Variants in MAF observed in about 807,000 individuals in gnomAD.
MAF encodes the protein transcription factor Maf.
Under a neutral mutation model 22.0 loss-of-function variants are expected in MAF, and 10 were observed. The ratio of observed to expected loss-of-function variants is 0.45; its 90% confidence interval spans 0.28 to 0.77. The LOEUF is 0.77. MAF is among the 30% of genes least tolerant of loss of function. MAF has a pLI of 0.12. For missense variants in MAF, 544 were observed against 548.4 expected (o/e 0.99, Z 0.08); for synonymous variants, 337 against 255.8 (o/e 1.32, Z -3.03).
At chr16:79,340,193 T>A in the MAF span, among the ~76,000 whole-genome samples, 2 of 152,124 alleles carry the variant, frequency 1.3e-5, no homozygotes, top group East Asian at 2.0e-4. Context: ...CCTCCTTCCC[T>A]GTCTTTGGTC....
At chr16:79,350,605 C>T in the MAF span, among the ~76,000 whole-genome samples, 2 of 152,148 alleles carry the variant, frequency 1.3e-5, no homozygotes, top group South Asian at 2.1e-4. Flanking sequence ...AAAAACCTCC[C>T]GCTGCTTTTC....
chr16:79,268,245 T>C, the MAF span, among the ~76,000 whole-genome samples: 1 of 152,106 alleles, frequency 6.6e-6, no homozygotes, highest in Non-Finnish European at 1.5e-5. Flanking sequence ...GAATTGTGCG[T>C]AACTGTACCC....
the MAF span, chr16:79,204,877 AGAG>A: frequency 6.6e-6 from 1 of 152,188 alleles, no homozygotes; most frequent in Admixed American, 6.5e-5. Flanking sequence ...AATATTTCAC[AGAG>A]GAGTAAGAGC....
the MAF span, among the ~76,000 whole-genome samples, chr16:79,266,353 A>AG: frequency 6.6e-6 from 1 of 152,074 alleles, no homozygotes; most frequent in African/African-American, 2.4e-5. Context: ...ACCATGGATA[A>AG]GGGGGGACTA....
chr16:79,288,740 T>A, the MAF span, among the ~76,000 whole-genome samples: 1 of 152,136 alleles, frequency 6.6e-6, no homozygotes, highest in Non-Finnish European at 1.5e-5. Flanking sequence ...GTTGTTTGTT[T>A]GTTTTTTGAG....
At chr16:79,226,649 A>G in the MAF span, among the ~76,000 whole-genome samples, 1 of 151,884 alleles carries the variant, frequency 6.6e-6, no homozygotes, top group Non-Finnish European at 1.5e-5. Flanking sequence ...ACAAATACGT[A>G]TTGAGAGAAA....
At chr16:79,270,586 G>A in the MAF span, among the ~76,000 whole-genome samples, 1 of 152,176 alleles carries the variant, frequency 6.6e-6, no homozygotes. Flanking sequence ...TGCTTAGGTA[G>A]GGCTGGCTTG....
the MAF span, among the ~76,000 whole-genome samples, chr16:79,391,854 G>T: frequency 6.6e-6 from 1 of 150,740 alleles, no homozygotes; most frequent in Non-Finnish European, 1.5e-5. Flanking sequence ...GGGAAAGAGA[G>T]AGAAGAAGGA....
the MAF span, among the ~76,000 whole-genome samples, chr16:79,278,115 G>C: frequency 7.9e-4 from 121 of 152,234 alleles, no homozygotes; most frequent in African/African-American, 2.7e-3. Flanking sequence ...CTTTCAACAG[G>C]ACACAGCTGT....
At chr16:79,425,321 T>A in the MAF span, among the ~76,000 whole-genome samples, 1 of 152,118 alleles carries the variant, frequency 6.6e-6, no homozygotes, top group Non-Finnish European at 1.5e-5. Flanking sequence ...AAAATGAAAT[T>A]CCCTTGGGCT....
chr16:79,600,037 G>T lies in MAF; in HGVS notation c.-135C>A, dbSNP rs1913915530. 9 of 1,298,530 alleles carry T rather than the reference G, an allele frequency of 6.9e-6. No individual in the cohort carries two copies. The highest frequency in any genetic ancestry group is 8.5e-6 in the Non-Finnish European group (8 of 944,600). The allele number at this position is 1,298,530 out of a possible 1,614,324, so 80.4% of individuals were successfully genotyped here. On this transcript the variant is annotated 5_prime_UTR_variant, in exon 1 of 2. Transcript: ENST00000326043. ...GGCGCTTCTAGCTTGCGCGGCGGTG[G>T]CTGGCCCGAAACCTCCGAGCGCGCT...
At chr16:79,586,391 G>A (rs983302046) in intron 1 of MAF, among the ~76,000 whole-genome samples, 3 of 152,074 alleles carry the variant, frequency 2.0e-5, no homozygotes, top group African/African-American at 4.8e-5. Context: ...GTGTGCTAGG[G>A]TTCCTTCTCT....
chr16:79,234,208 C>T, the MAF span, among the ~76,000 whole-genome samples: 2 of 151,966 alleles, frequency 1.3e-5, no homozygotes, highest in Non-Finnish European at 2.9e-5. Flanking sequence ...CAGAGACTGC[C>T]AATTGTGACA....
the MAF span, among the ~76,000 whole-genome samples, chr16:79,514,551 C>A: frequency 2.6e-5 from 4 of 152,176 alleles, no homozygotes; most frequent in African/African-American, 9.7e-5. Context: ...AAGCATTTCC[C>A]TGCATGGTAG....
chr16:79,546,142 G>A, the MAF span, among the ~76,000 whole-genome samples: 5 of 151,994 alleles, frequency 3.3e-5, no homozygotes. Flanking sequence ...TTAAAGAGAT[G>A]GGATGAACTT....
the MAF span, among the ~76,000 whole-genome samples, chr16:79,411,213 G>A: frequency 2.7e-5 from 4 of 150,932 alleles, no homozygotes; most frequent in African/African-American, 9.8e-5. Flanking sequence ...AAACCTTGGT[G>A]GCTGGGACCT....
the MAF span, among the ~76,000 whole-genome samples, chr16:79,237,404 A>T: frequency 6.6e-6 from 1 of 152,104 alleles, no homozygotes. Flanking sequence ...TGAACATATA[A>T]TTCCACTCGG....
chr16:79,303,069 C>T, the MAF span, among the ~76,000 whole-genome samples: 1 of 152,118 alleles, frequency 6.6e-6, no homozygotes. Context: ...GATTTTCCAT[C>T]CAACACAAGC....
At chr16:79,521,674 G>A in the MAF span, among the ~76,000 whole-genome samples, 4 of 152,096 alleles carry the variant, frequency 2.6e-5, no homozygotes, top group East Asian at 7.7e-4. Context: ...TCTTTCCAGT[G>A]CAAGAACCTC....
Sources: gnomAD v4.1 joint callset for allele counts (sites outside exome capture counted in the v4.1 genomes callset) on GRCh38, gnomAD v4.1.1 for gene constraint, MANE v1.5 for transcripts, NCBI Gene and HGNC (gene_info 2026-07-23, HGNC 2026-07-21) for gene names.